SNX18: variants seen among roughly 807,000 people sequenced by gnomAD.
SNX18 encodes sorting nexin 18.
Under a neutral mutation model 48.7 loss-of-function variants are expected in SNX18, and 35 were observed. The observed-to-expected ratio is 0.72, with a 90% CI of 0.55 to 0.95. SNX18 has a LOEUF of 0.95. Ranked by LOEUF, SNX18 falls within the 40% of genes least tolerant of loss-of-function variation. The probability of loss-of-function intolerance (pLI) is 0.00; values close to 1 mark genes in which losing one functional copy is unlikely to be tolerated. For synonymous variants in SNX18, 492 were observed against 384.7 expected, an observed-to-expected ratio of 1.28 and a Z score of -3.26; for missense variants, 824 against 871.0, an observed-to-expected ratio of 0.95 and a Z score of 0.68.
At chr5:54,629,145 A>C in the SNX18 span, among the ~76,000 whole-genome samples, 1 of 152,160 alleles carries the variant, frequency 6.6e-6, no homozygotes, top group African/African-American at 2.4e-5. Context: ...ACACTGTCTC[A>C]CTTGAAAGGT....
At chr5:54,645,482 G>A in the SNX18 span, 3 of 152,242 alleles carry the variant, frequency 2.0e-5, no homozygotes, top group African/African-American at 4.8e-5. Flanking sequence ...CTTCTTGGAA[G>A]AGATGTCACC....
chr5:54,621,903 G>A, the SNX18 span, among the ~76,000 whole-genome samples: 4 of 152,132 alleles, frequency 2.6e-5, no homozygotes, highest in Non-Finnish European at 5.9e-5. Context: ...ACTTTTACTG[G>A]ATACCTTCCT....
At chr5:54,598,838 T>A in the SNX18 span, among the ~76,000 whole-genome samples, 4 of 152,128 alleles carry the variant, frequency 2.6e-5, no homozygotes, top group Admixed American at 2.6e-4. Context: ...ATGGATGCCC[T>A]CTCTCACCAC....
At chr5:54,606,902 A>G in the SNX18 span, among the ~76,000 whole-genome samples, 2 of 152,156 alleles carry the variant, frequency 1.3e-5, no homozygotes, top group African/African-American at 4.8e-5. Context: ...CACCACAGTC[A>G]AGATACTGAC....
At chr5:54,566,919 A>G in the SNX18 span, among the ~76,000 whole-genome samples, 3 of 152,208 alleles carry the variant, frequency 2.0e-5, no homozygotes, top group Non-Finnish European at 4.4e-5. Flanking sequence ...CCCCATCCCG[A>G]CTTCAGAGAA....
the SNX18 span, among the ~76,000 whole-genome samples, chr5:54,575,700 A>C: frequency 6.6e-6 from 1 of 151,750 alleles, no homozygotes; most frequent in African/African-American, 2.4e-5. Context: ...AGGACATACA[A>C]TTTTCCATGA....
chr5:54,581,210 A>T, the SNX18 span, among the ~76,000 whole-genome samples: 1 of 152,098 alleles, frequency 6.6e-6, no homozygotes, highest in Admixed American at 6.5e-5. Context: ...TCTCTGTGTC[A>T]AGGGGTAACA....
chr5:54,612,081 A>G, the SNX18 span, among the ~76,000 whole-genome samples: 1 of 152,040 alleles, frequency 6.6e-6, no homozygotes, highest in African/African-American at 2.4e-5. Context: ...ATGTCTCACT[A>G]TATTGCCCAG....
chr5:54,567,048 C>T, the SNX18 span, among the ~76,000 whole-genome samples: 2 of 152,116 alleles, frequency 1.3e-5, no homozygotes, highest in Non-Finnish European at 2.9e-5. Context: ...CTCTTCTTTT[C>T]TAGGATTTGA....
At chr5:54,615,127 C>T in the SNX18 span, among the ~76,000 whole-genome samples, 1 of 152,184 alleles carries the variant, frequency 6.6e-6, no homozygotes, top group Non-Finnish European at 1.5e-5. Flanking sequence ...TGGGAGGAAG[C>T]CTGACCCTTG....
the SNX18 span, among the ~76,000 whole-genome samples, chr5:54,614,890 G>A: frequency 6.6e-6 from 1 of 152,132 alleles, no homozygotes; most frequent in African/African-American, 2.4e-5. Flanking sequence ...AACTTAAACT[G>A]TCGTACACAC....
chr5:54,524,167 G>A (rs1187910107), intron 1 of SNX18, among the ~76,000 whole-genome samples: 8 of 152,160 alleles, frequency 5.3e-5, no homozygotes, highest in Non-Finnish European at 1.2e-4. Flanking sequence ...TGTTTTCTTA[G>A]TGAAAATAAG....
At chr5:54,538,722 A>G (rs2111586167) in intron 1 of SNX18, among the ~76,000 whole-genome samples, 1 of 152,350 alleles carries the variant, frequency 6.6e-6, no homozygotes. Flanking sequence ...CTGAACATTA[A>G]CAGCCATTCG....
the SNX18 span, among the ~76,000 whole-genome samples, chr5:54,582,859 C>T: frequency 6.6e-6 from 1 of 152,032 alleles, no homozygotes; most frequent in African/African-American, 2.4e-5. Flanking sequence ...AAGAAGCAAA[C>T]CAACCATGAT....
chr5:54,550,857 T>C (rs528252143), downstream of SNX18, among the ~76,000 whole-genome samples: 1 of 152,284 alleles, frequency 6.6e-6, no homozygotes, highest in African/African-American at 2.4e-5. Flanking sequence ...AGTGCTGGGA[T>C]TACAGGTGTG....
chr5:54,556,975 G>A, the SNX18 span, among the ~76,000 whole-genome samples: 4 of 152,188 alleles, frequency 2.6e-5, no homozygotes, highest in Non-Finnish European at 4.4e-5. Flanking sequence ...GACACAAGCA[G>A]CATTTTTCAT....
At chr5:54,550,135 T>C (rs1021376639), downstream of SNX18, among the ~76,000 whole-genome samples, 1 of 152,270 alleles carries the variant, frequency 6.6e-6, no homozygotes, top group South Asian at 2.1e-4. Context: ...CTCCTGTTTG[T>C]GGACCCTTGT....
the SNX18 span, among the ~76,000 whole-genome samples, chr5:54,573,974 G>A: frequency 6.6e-6 from 1 of 152,192 alleles, no homozygotes; most frequent in Non-Finnish European, 1.5e-5. Flanking sequence ...GTTACCAATG[G>A]CTACACAGCA....
chr5:54,537,568 G>A (rs1440169269), intron 1 of SNX18, among the ~76,000 whole-genome samples: 7 of 152,072 alleles, frequency 4.6e-5, no homozygotes. Flanking sequence ...TGTTCTAACA[G>A]TGATGTTTTT....
Sources: gnomAD v4.1 joint callset for allele counts (sites outside exome capture counted in the v4.1 genomes callset) on GRCh38, gnomAD v4.1.1 for gene constraint, MANE v1.5 for transcripts, NCBI Gene and HGNC (gene_info 2026-07-23, HGNC 2026-07-21) for gene names.